The following COL16A1 variants were observed in gnomAD, a reference collection of about 807,000 sequenced individuals.
COL16A1 encodes the protein collagen type XVI alpha 1 chain.
COL16A1 carries 189 observed loss-of-function variants against 266.3 expected under a neutral mutation model. That is an observed-to-expected ratio of 0.71 (90% CI 0.63 to 0.80). COL16A1 has a LOEUF of 0.80. Ranked by LOEUF, COL16A1 falls within the 30% of genes least tolerant of loss-of-function variation. The pLI is 0.00. For missense variants in COL16A1, 1,928 were observed against 2,122.4 expected (o/e 0.91, Z 1.80); for synonymous variants, 740 against 782.3 (o/e 0.95, Z 0.90).
In COL16A1 at chr1:31,700,027, G is replaced by A. The variant is rs1191809229; in HGVS notation, c.148+14C>T. The A allele has an allele frequency of 6.2e-6, 10 of 1,613,964 alleles. No homozygotes were observed. Among genetic ancestry groups the A allele is most frequent in the Non-Finnish European group, 6.8e-6 (8 of 1,179,966 alleles). ...GGTTGCAGGGACGGCGCGATGAGAT[G>A]GTTGGGTGCTCACCAGTCACGTTGG... is the stretch of plus-strand genomic sequence containing the variant. On this transcript the variant is annotated intron_variant, in intron 3 of 70. Coordinates refer to ENST00000373672, the MANE Select transcript of COL16A1 (RefSeq NM_001856.4).
In COL16A1 at chr1:31,691,241, A is replaced by G. The variant is rs778294267; in HGVS notation, c.1399-15T>C. On this transcript the variant is annotated splice_polypyrimidine_tract_variant and intron_variant, in intron 19 of 70. Coordinates refer to ENST00000373672, the MANE Select transcript of COL16A1 (RefSeq NM_001856.4). ...CCTGGATCCCCCTGAGGGCAGAAACAGAGTCACGTGGAAGTTTCCAGGGAC... is the reference window on the plus strand; with the variant it reads ...CCTGGATCCCCCTGAGGGCAGAAACGGAGTCACGTGGAAGTTTCCAGGGAC... 1 of 1,613,530 alleles carries G rather than the reference A, an allele frequency of 6.2e-7. No individual in the cohort carries two copies. Among genetic ancestry groups the G allele is most frequent in the Non-Finnish European group, 8.5e-7 (1 of 1,179,822 alleles).
At chr1:31,665,023 TG>T in intron 56 of COL16A1, 148 bp downstream of exon 56, 2 of 1,150,636 alleles carry the variant, frequency 1.7e-6, no homozygotes, top group East Asian at 5.1e-5. Flanking sequence ...CAGTAGTCAC[TG>T]GGCCCATCCT....
In COL16A1 at chr1:31,665,593, G is replaced by A. The variant is rs547516486; in HGVS notation, c.3482C>T (p.Pro1161Leu). 1.4e-4 allele frequency: 222 copies of A among 1,614,052 alleles called. 3 individuals carry two copies. In the South Asian group the frequency reaches 2.3e-3, roughly 17 times the overall value. Residue 1161 changes from proline (P) to leucine (L), a missense_variant, in exon 55 of 71, where the codon CCG becomes CTG. Around this residue, in one of 2 missense-constraint regions of COL16A1, gnomAD observed 1,552 missense variants for 1,637.2 expected, o/e 0.95. Coordinates refer to ENST00000373672, the MANE Select transcript of COL16A1 (RefSeq NM_001856.4). ...GTCTTCTTCACTCACCGGTGGGCCCGGAAAGCCTGGCTGGCCTTGAAATCC... is the reference window on the plus strand; with the variant it reads ...GTCTTCTTCACTCACCGGTGGGCCCAGAAAGCCTGGCTGGCCTTGAAATCC... ...DQGFQGQPGF[P>L]GPPGPPGFPG...
At chr1:31,678,199 G>A (rs1299762732) in intron 42 of COL16A1, among the ~76,000 whole-genome samples, 1 of 152,112 alleles carries the variant, frequency 6.6e-6, no homozygotes, top group African/African-American at 2.4e-5. Context: ...GGTGGCGGGG[G>A]TGGGGAGGGA....
intron 11 of COL16A1, 139 bp downstream of exon 11, chr1:31,695,047 C>G (rs892172474): frequency 9.1e-6 from 8 of 874,412 alleles, no homozygotes; most frequent in African/African-American, 3.3e-5. Context: ...AAGCCCGGCT[C>G]TGGGAGATGG....
intron 61 of COL16A1, 125 bp downstream of exon 61, chr1:31,660,941 C>T: frequency 9.2e-7 from 1 of 1,089,852 alleles, no homozygotes. Flanking sequence ...GGGTGACACC[C>T]CTCCCAGAAG....
In COL16A1 at chr1:31,656,436, A is replaced by AG; in HGVS notation, c.4064dup (p.Gly1356TrpfsTer14). 3 of 1,613,028 alleles carry AG rather than the reference A, an allele frequency of 1.9e-6. No homozygotes were observed. The highest frequency in any genetic ancestry group is 2.5e-6 in the Non-Finnish European group (3 of 1,179,646). On this transcript the variant is annotated frameshift_variant, in exon 66 of 71. Coordinates refer to ENST00000373672, the MANE Select transcript of COL16A1 (RefSeq NM_001856.4). LOFTEE classifies it high-confidence loss of function. The surrounding 1 kb of genome is among the most constrained non-coding windows in gnomAD (Gnocchi z 4.2). ...GAGGTCCATAGAATCCCTGCTTTCC[A>AG]GGGGGTCCCTAGAGGAAAGCAAAAG...
rs905247595 is a variant in COL16A1 at position 31,685,456 on chromosome 1, C to T, written c.2016+183G>A. 1.3e-5 allele frequency among the ~76,000 whole-genome samples: 2 copies of T among 152,158 alleles called. No homozygotes were observed. The highest frequency in any genetic ancestry group is 4.8e-5 in the African/African-American group (2 of 41,434). Reference sequence around the variant, plus strand: ...CTGCCCACTCTGCCATACTCTGTCCCAGGATAAAGGGCAGAGACCTGTGAG... The same window carrying T: ...CTGCCCACTCTGCCATACTCTGTCCTAGGATAAAGGGCAGAGACCTGTGAG... On this transcript the variant is annotated intron_variant, in intron 29 of 70. Coordinates refer to ENST00000373672, the MANE Select transcript of COL16A1 (RefSeq NM_001856.4). This position sits in a 1 kb window ranked among gnomAD's most constrained non-coding sequence, Gnocchi z 4.0.
chr1:31,689,757 T>A lies in COL16A1; in HGVS notation c.1604A>T (p.Asp535Val). Residue 535 changes from aspartate (D) to valine (V), a missense_variant, in exon 23 of 71, where the codon GAT becomes GTT. Coordinates refer to ENST00000373672, the MANE Select transcript of COL16A1 (RefSeq NM_001856.4). ...GKPGPKGEPG[D>V]PVPARGDPGI... is the part of the protein sequence containing the mutation. ...GGCACTCACCCTGGCTGGTACAGGA[T>A]CACCAGGCTCCCCTTTGGGCCCTGG... is the stretch of plus-strand genomic sequence containing the variant. 1.9e-6 allele frequency: 3 copies of A among 1,614,034 alleles called. No individual in the cohort carries two copies. Among genetic ancestry groups the A allele is most frequent in the Non-Finnish European group, 2.5e-6 (3 of 1,179,936 alleles).
In COL16A1 at chr1:31,679,663, G is replaced by A. The variant is rs1643458012; in HGVS notation, c.2741C>T (p.Pro914Leu). The A allele has an allele frequency of 1.9e-6, 3 of 1,614,172 alleles. No homozygotes were observed. The highest frequency in any genetic ancestry group is 2.5e-6 in the Non-Finnish European group (3 of 1,180,034). Residue 914 changes from proline (P) to leucine (L), a missense_variant, in exon 42 of 71, where the codon CCA becomes CTA. Physicochemically the swap from Pro to Leu is moderately conservative, Grantham distance 98. Transcript: ENST00000373672. ...CCCAGGTACTCCAGGGGGGCCTGGT[G>A]GTCCGGGAATACCTGGTGGACCCTG... ...GPQGPPGIPG[P>L]PGPPGVPGLQ...
In COL16A1 at chr1:31,691,660, G is replaced by C; in HGVS notation, c.1258-18C>G. On this transcript the variant is annotated intron_variant, in intron 17 of 70. Transcript: ENST00000373672. ...GGCCGGCCCTGTGGGGGGATAAGGG[G>C]GAGGGTGTACAAACAGCCCTGAGGC... is the stretch of plus-strand genomic sequence containing the variant. The C allele has an allele frequency of 6.2e-7, 1 of 1,612,126 alleles. No individual in the cohort carries two copies. Among genetic ancestry groups the C allele is most frequent in the Non-Finnish European group, 8.5e-7 (1 of 1,179,156 alleles).
chr1:31,689,940 A>T, intron 22 of COL16A1, 89 bp from the exon 23 acceptor site: 1 of 1,127,594 alleles, frequency 8.9e-7, no homozygotes, highest in South Asian at 1.3e-5. Context: ...AGCCCTAGAC[A>T]TTGGGTCCAC....
chr1:31,683,135 C>T, intron 36 of COL16A1, 59 bp downstream of exon 36: 1 of 1,612,398 alleles, frequency 6.2e-7, no homozygotes, highest in Non-Finnish European at 8.5e-7. Flanking sequence ...TCCCCTGTGC[C>T]TGCTTCTGGG....
At chr1:31,684,284 G>A (rs1441811208) in intron 31 of COL16A1, 53 bp from the exon 32 acceptor site, 3 of 1,451,470 alleles carry the variant, frequency 2.1e-6, no homozygotes, top group Non-Finnish European at 2.7e-6. Flanking sequence ...TGGCACCCAG[G>A]CCAGGACGCC....
At chr1:31,680,196 G>A (rs901384078) in intron 39 of COL16A1, 95 bp from the exon 40 acceptor site, 2 of 1,518,402 alleles carry the variant, frequency 1.3e-6, no homozygotes, top group African/African-American at 2.8e-5. Flanking sequence ...GAGATGGAGA[G>A]GCCAGGGTTT....
intron 2 of COL16A1, 94 bp from the exon 3 acceptor site, chr1:31,700,209 T>C (rs1644675159): frequency 9.0e-7 from 1 of 1,116,768 alleles, no homozygotes; most frequent in Non-Finnish European, 1.4e-6. Flanking sequence ...AGCAAGTTTA[T>C]AGTCCTCACT....
chr1:31,673,190 T>G (rs1570442597), intron 44 of COL16A1: 1 of 365,668 alleles, frequency 2.7e-6, no homozygotes, highest in East Asian at 6.9e-5. Flanking sequence ...CCACGAGGAG[T>G]GAGGCTGGAA....
In COL16A1 at chr1:31,701,602, G is replaced by C. The variant is rs1165775830; in HGVS notation, c.73+519C>G. 5.1e-6 allele frequency: 5 copies of C among 982,360 alleles called. No individual in the cohort carries two copies. In the East Asian group the frequency reaches 5.7e-4, roughly 112 times the overall value. 60.9% of individuals were successfully genotyped at this position (982,360 alleles called of 1,614,324 possible). ...TGTCTCATCCAGAGTCTGGGCCTCGGGGTGGGCCTTTTATTAGAGATTCAG... is the reference window on the plus strand; with the variant it reads ...TGTCTCATCCAGAGTCTGGGCCTCGCGGTGGGCCTTTTATTAGAGATTCAG... On this transcript the variant is annotated intron_variant, in intron 2 of 70. Transcript: ENST00000373672.
chr1:31,667,476 C>T (rs1642233689), intron 52 of COL16A1, 99 bp downstream of exon 52: 13 of 1,019,110 alleles, frequency 1.3e-5, no homozygotes, highest in Non-Finnish European at 1.5e-5. Flanking sequence ...CAGCAGGGGT[C>T]ACGATCCTCC....
Sources: gnomAD v4.1 joint callset for allele counts (sites outside exome capture counted in the v4.1 genomes callset) on GRCh38, gnomAD v4.1.1 for gene constraint, gnomAD v4.1.1 regional missense constraint, Gnocchi (gnomAD v3.1) non-coding constraint, MANE v1.5 for transcripts, NCBI Gene and HGNC (gene_info 2026-07-23, HGNC 2026-07-21) for gene names.